The following TARS3 variants were observed in gnomAD, a reference collection of about 807,000 sequenced individuals.
TARS3 encodes threonyl-tRNA synthetase 3.
Under a neutral mutation model 103.5 loss-of-function variants are expected in TARS3, and 94 were observed. The observed-to-expected ratio is 0.91, with a 90% CI of 0.77 to 1.08. The LOEUF is 1.08. TARS3 is among the 50% of genes least tolerant of loss of function. The pLI is 0.00. For missense variants in TARS3, 952 were observed against 995.2 expected, an observed-to-expected ratio of 0.96 and a Z score of 0.58; for synonymous variants, 416 against 355.4, an observed-to-expected ratio of 1.17 and a Z score of -1.92.
In TARS3 at chr15:101,678,162, T is replaced by C. The variant is rs553577922; in HGVS notation, c.1651-2425A>G. On this transcript the variant is annotated intron_variant, in intron 12 of 18. Transcript: ENST00000335968. ...ACCCAGCTAATTTATGTATTTTTAGTAGAGATGGGGTTTCACCATGTTGGT... is the reference window on the plus strand; with the variant it reads ...ACCCAGCTAATTTATGTATTTTTAGCAGAGATGGGGTTTCACCATGTTGGT... Among the ~76,000 whole-genome samples the C allele has an allele frequency of 7.2e-5, 11 of 151,884 alleles. No individual in the cohort carries two copies. In the South Asian group the frequency reaches 1.0e-3, roughly 14 times the overall value.
In TARS3 at chr15:101,661,779, G is replaced by A; in HGVS notation, c.2005C>T (p.His669Tyr). ...TCCACTGATCCCAAAATGGCTCGAT[G>A]AATGATCACAGGTCTCTTCTTATCA... ...GDDKKRPVII[H>Y]RAILGSVERM... is the part of the protein sequence containing the mutation. The change falls in exon 16 of 19, where the codon CAT becomes TAT. Residue 669 changes from histidine to tyrosine, a missense_variant. Coordinates refer to ENST00000335968, the MANE Select transcript of TARS3 (RefSeq NM_152334.3). 6.2e-7 allele frequency: 1 copy of A among 1,607,470 alleles called. No individual in the cohort carries two copies. Among genetic ancestry groups the A allele is most frequent in the South Asian group, 1.1e-5 (1 of 89,910 alleles).
intron 10 of TARS3, among the ~76,000 whole-genome samples, chr15:101,687,712 C>A (rs1383562644): frequency 6.6e-6 from 1 of 152,088 alleles, no homozygotes; most frequent in Non-Finnish European, 1.5e-5. Context: ...TGTGTCTCCC[C>A]CAAAATTGTG....
At chr15:101,667,220 T>C (rs1354903714) in intron 15 of TARS3, among the ~76,000 whole-genome samples, 2 of 152,200 alleles carry the variant, frequency 1.3e-5, no homozygotes, top group Non-Finnish European at 2.9e-5. Flanking sequence ...GGCTTTGTTG[T>C]TGCATTTCTA....
intron 18 of TARS3, chr15:101,656,114 G>C: frequency 3.3e-6 from 4 of 1,201,014 alleles, no homozygotes; most frequent in African/African-American, 1.6e-5. Context: ...CTCCTGGTGA[G>C]GGTTGAGCTC....
intron 10 of TARS3, among the ~76,000 whole-genome samples, chr15:101,693,603 GA>G (rs1407574046): frequency 6.6e-6 from 1 of 152,130 alleles, no homozygotes; most frequent in Non-Finnish European, 1.5e-5. Context: ...AACTGTACAT[GA>G]ATGACAATAG....
In TARS3 at chr15:101,685,946, C is replaced by T. The variant is rs749104537; in HGVS notation, c.1437G>A (p.Glu479=). The part of the protein sequence containing the change: ...QHYSENMFTF[E]IEKDTFALKP... The stretch of plus-strand genomic sequence containing the variant: ...TGAGGGCAAAAGTGTCCTTTTCAAT[C>T]TCAAAGGTAAACATGTTCTCGCTGT... Residue 479 remains glutamate (E), a synonymous_variant, in exon 11 of 19, where the codon GAG becomes GAA. Coordinates refer to ENST00000335968, the MANE Select transcript of TARS3 (RefSeq NM_152334.3). The T allele has an allele frequency of 8.7e-6, 14 of 1,613,904 alleles. No individual in the cohort carries two copies. In the Admixed American group the frequency reaches 2.2e-4, roughly 25 times the overall value.
At chr15:101,655,214 G>A (rs1897154798) in intron 18 of TARS3, among the ~76,000 whole-genome samples, 1 of 136,154 alleles carries the variant, frequency 7.3e-6, no homozygotes, top group Admixed American at 7.3e-5. Context: ...GCTCTTACAG[G>A]CTCACACTGA....
At chr15:101,700,403 C>T (rs1458090048) in intron 10 of TARS3, among the ~76,000 whole-genome samples, 1 of 152,180 alleles carries the variant, frequency 6.6e-6, no homozygotes, top group South Asian at 2.1e-4. Flanking sequence ...ATCAGTGGCC[C>T]ATGGAGCACA....
At chr15:101,705,342 T>C (rs1018958329) in intron 7 of TARS3, among the ~76,000 whole-genome samples, 6 of 152,204 alleles carry the variant, frequency 3.9e-5, no homozygotes, top group Non-Finnish European at 4.4e-5. Flanking sequence ...AGAGAATCAC[T>C]GCCGAGGAGA....
chr15:101,665,723 C>T lies in TARS3; in HGVS notation c.1968-3907G>A, dbSNP rs190606466. 2.7e-3 allele frequency among the ~76,000 whole-genome samples: 412 copies of T among 152,244 alleles called. 2 individuals carry two copies. The highest frequency in any genetic ancestry group is 9.4e-3 in the African/African-American group (390 of 41,530). ...TAGAAAAATCAGCTTGAGTTTAAGA[C>T]GGCAAATCTTTCTATAAAACTAGCC... On this transcript the variant is annotated intron_variant, in intron 15 of 18. Coordinates refer to ENST00000335968, the MANE Select transcript of TARS3 (RefSeq NM_152334.3).
In TARS3 at chr15:101,710,743, A is replaced by G. The variant is rs540292076; in HGVS notation, c.812+1137T>C. Among the ~76,000 whole-genome samples, 10 of 152,248 alleles carry G rather than the reference A, an allele frequency of 6.6e-5. No homozygotes were observed. The South Asian group carries it at 2.1e-3, about 32-fold the overall frequency. Reference sequence around the variant, plus strand: ...GAGGTCATTAAGCAGCGTGCAGGAGAAGGTAAAGACAAAATGCACCATAGT... The same window carrying G: ...GAGGTCATTAAGCAGCGTGCAGGAGGAGGTAAAGACAAAATGCACCATAGT... On this transcript the variant is annotated intron_variant, in intron 5 of 18. Transcript: ENST00000335968.
chr15:101,670,237 C>T (rs1284730339), intron 15 of TARS3, among the ~76,000 whole-genome samples: 2 of 152,146 alleles, frequency 1.3e-5, no homozygotes, highest in African/African-American at 4.8e-5. Flanking sequence ...AAGCAAGCTA[C>T]AGACCAGGGT....
At chr15:101,682,422 G>C (rs1437222471) in intron 12 of TARS3, among the ~76,000 whole-genome samples, 2 of 151,828 alleles carry the variant, frequency 1.3e-5, no homozygotes, top group Non-Finnish European at 2.9e-5. Context: ...CTTTTTTTTA[G>C]TTTGTGAATG....
intron 3 of TARS3, among the ~76,000 whole-genome samples, chr15:101,716,605 T>C (rs936121680): frequency 6.6e-6 from 1 of 152,158 alleles, no homozygotes; most frequent in Non-Finnish European, 1.5e-5. Context: ...TTATTTTTTA[T>C]GGGTACTTTG....
Position 101,711,953 on chromosome 15 carries a change from A to G in TARS3, c.739T>C (p.Tyr247His). The change falls in exon 5 of 19, where the codon TAC (tyrosine) becomes CAC (histidine). Residue 247 changes from tyrosine to histidine, a missense_variant. Transcript: ENST00000335968. ...AHILGEAMEL[Y>H]YGGHLCYGPP... ...CCGTAGCACAGGTGGCCTCCATAGT[A>G]AAGCTCCATGGCCTCCCCAAGAATG... 6.2e-7 allele frequency: 1 copy of G among 1,613,994 alleles called. No individual in the cohort carries two copies. Among genetic ancestry groups the G allele is most frequent in the African/African-American group, 1.3e-5 (1 of 75,064 alleles).
Position 101,711,866 on chromosome 15 carries a change from A to G in TARS3, c.812+14T>C, listed in dbSNP as rs1372431370. 6.8e-6 allele frequency: 11 copies of G among 1,613,112 alleles called. No homozygotes were observed. The highest frequency in any genetic ancestry group is 9.3e-6 in the Non-Finnish European group (11 of 1,179,366). On this transcript the variant is annotated intron_variant, in intron 5 of 18. Coordinates refer to ENST00000335968, the MANE Select transcript of TARS3 (RefSeq NM_152334.3). ...GAAACACATGCATTCACAAGCCAGTATTCAGTGTGTTACCTGTCTTCAATG... is the reference window on the plus strand; with the variant it reads ...GAAACACATGCATTCACAAGCCAGTGTTCAGTGTGTTACCTGTCTTCAATG...
chr15:101,700,489 G>A (rs1189389974), intron 10 of TARS3, among the ~76,000 whole-genome samples: 2 of 152,142 alleles, frequency 1.3e-5, no homozygotes, highest in Non-Finnish European at 2.9e-5. Context: ...TTTTCACAGG[G>A]AGTGCCACAC....
intron 10 of TARS3, among the ~76,000 whole-genome samples, chr15:101,698,049 A>G (rs1303816074): frequency 6.6e-6 from 1 of 152,194 alleles, no homozygotes; most frequent in South Asian, 2.1e-4. Flanking sequence ...GAACAAAGCT[A>G]CCCCAGGCCG....
intron 10 of TARS3, among the ~76,000 whole-genome samples, chr15:101,693,809 A>G (rs1898842875): frequency 1.3e-5 from 2 of 152,142 alleles, no homozygotes; most frequent in Non-Finnish European, 2.9e-5. Flanking sequence ...AAGGTTTTAT[A>G]AAAGTATGAT....
Sources: gnomAD v4.1 joint callset for allele counts (sites outside exome capture counted in the v4.1 genomes callset) on GRCh38, gnomAD v4.1.1 for gene constraint, MANE v1.5 for transcripts, NCBI Gene and HGNC (gene_info 2026-07-23, HGNC 2026-07-21) for gene names.